SYNE1: variants seen among roughly 807,000 people sequenced by gnomAD.
SYNE1 encodes nesprin-1.
In SYNE1, 616 loss-of-function variants were observed where a neutral mutation model predicts 1,111.0. The ratio of observed to expected loss-of-function variants is 0.55; its 90% CI spans 0.52 to 0.59. The LOEUF is 0.59. Among genes scored for constraint, SYNE1 ranks in the 20% least tolerant of loss-of-function variants. The pLI, the probability that SYNE1 is intolerant of heterozygous loss-of-function variation, is 0.00. For missense variants in SYNE1, 10,006 were observed against 10,417.0 expected (o/e 0.96, Z 1.72); for synonymous variants, 3,855 against 3,825.8 (o/e 1.01, Z -0.28).
At chr6:152,484,343 A>G (rs2154296048) in intron 13 of SYNE1, among the ~76,000 whole-genome samples, 1 of 152,338 alleles carries the variant, frequency 6.6e-6, no homozygotes, top group Non-Finnish European at 1.5e-5. Flanking sequence ...AAAGATACTG[A>G]GCAATTTTCC....
chr6:152,429,092 A>G (rs2098403338), intron 36 of SYNE1, among the ~76,000 whole-genome samples: 2 of 142,064 alleles, frequency 1.4e-5, no homozygotes, highest in Admixed American at 1.4e-4. Context: ...AATAGTAATA[A>G]TAATAATAAT....
Position 152,149,636 on chromosome 6 carries a change from A to G in SYNE1, c.24483T>C (p.Asn8161=), listed in dbSNP as rs372254290. The part of the protein sequence containing the change: ...AFQQEISLNH[N]KIEQIIAQGE... Reference sequence around the variant, plus strand: ...CTTGGGCAATTATCTGCTCAATCTTATTGTGGTTCAGTGAAATTTCCTGCT... The same window carrying G: ...CTTGGGCAATTATCTGCTCAATCTTGTTGTGGTTCAGTGAAATTTCCTGCT... Residue 8161 remains asparagine, a synonymous_variant, in exon 136 of 146, where the codon AAT becomes AAC. Transcript: ENST00000367255. 3.1e-6 allele frequency: 5 copies of G among 1,613,970 alleles called. No individual in the cohort carries two copies. Among genetic ancestry groups the G allele is most frequent in the Non-Finnish European group, 8.5e-7 (1 of 1,179,996 alleles).
At chr6:152,423,040 G>A (rs1211835579) in intron 39 of SYNE1, among the ~76,000 whole-genome samples, 1 of 152,298 alleles carries the variant, frequency 6.6e-6, no homozygotes, top group East Asian at 1.9e-4. Context: ...AGCTAGCCCT[G>A]CCTTTGTCCA....
intron 3 of SYNE1, among the ~76,000 whole-genome samples, chr6:152,599,029 G>A (rs1343198140): frequency 2.0e-5 from 3 of 152,126 alleles, no homozygotes; most frequent in African/African-American, 4.8e-5. Context: ...CAAACATCTG[G>A]ATTTAATTTT....
intron 55 of SYNE1, among the ~76,000 whole-genome samples, chr6:152,384,438 A>G (rs771134696): frequency 6.6e-6 from 1 of 152,260 alleles, no homozygotes; most frequent in Non-Finnish European, 1.5e-5. Flanking sequence ...AAATCAGAAT[A>G]TTACGAAGAA....
At chr6:152,440,254 T>A (rs1278949279) in intron 32 of SYNE1, among the ~76,000 whole-genome samples, 1 of 152,164 alleles carries the variant, frequency 6.6e-6, no homozygotes, top group Non-Finnish European at 1.5e-5. Context: ...TTTCAGTCAC[T>A]TTTCTACACC....
intron 130 of SYNE1, among the ~76,000 whole-genome samples, chr6:152,166,661 C>T (rs553842734): frequency 6.6e-6 from 1 of 152,278 alleles, no homozygotes; most frequent in South Asian, 2.1e-4. Context: ...AATGTGTGTT[C>T]ATATAGTCCA....
chr6:152,281,993 G>A lies in SYNE1; in HGVS notation c.18208-13C>T. On this transcript the variant is annotated splice_polypyrimidine_tract_variant and intron_variant, in intron 96 of 145. Transcript: ENST00000367255. ...CATTCAACTTCTCCTGTTGAATTCAGTAGAAGGTAATATAGATCACGCTAA... is the reference window on the plus strand; with the variant it reads ...CATTCAACTTCTCCTGTTGAATTCAATAGAAGGTAATATAGATCACGCTAA... The A allele has an allele frequency of 6.2e-7, 1 of 1,612,972 alleles. No homozygotes were observed. The highest frequency in any genetic ancestry group is 8.5e-7 in the Non-Finnish European group (1 of 1,179,830).
At chr6:152,329,596 G>A (rs1225321656) in intron 78 of SYNE1, 134 bp downstream of exon 78, 3 of 1,172,702 alleles carry the variant, frequency 2.6e-6, no homozygotes, top group African/African-American at 1.5e-5. Flanking sequence ...TTAAGTCACT[G>A]CTGAAGATGC....
chr6:152,230,824 T>A, intron 114 of SYNE1, 122 bp from the exon 115 acceptor site: 1 of 1,153,640 alleles, frequency 8.7e-7, no homozygotes, highest in Non-Finnish European at 1.2e-6. Flanking sequence ...CAGTTCATCG[T>A]ATATATGATT....
Position 152,148,113 on chromosome 6 carries a change from A to G in SYNE1, c.24908T>C (p.Leu8303Pro). ...RDLESAMSRA[L>P]PSEDEEGQDD... ...CTGACCTTCTTCATCCTCAGAGGGC[A>G]GAGCTCTGGACATTGCAGACTCCAG... The change falls in exon 137 of 146, where the codon CTG becomes CCG. Residue 8303 changes from leucine to proline, a missense_variant. Around this residue, in one of 7 missense-constraint regions of SYNE1, gnomAD observed 761 missense variants for 795.5 expected, o/e 0.96. Coordinates refer to ENST00000367255, the MANE Select transcript of SYNE1 (RefSeq NM_182961.4). This position sits in a 1 kb window ranked among gnomAD's most constrained non-coding sequence, Gnocchi z 4.1. 1 of 1,614,174 alleles carries G rather than the reference A, an allele frequency of 6.2e-7. No individual in the cohort carries two copies. The highest frequency in any genetic ancestry group is 1.3e-5 in the African/African-American group (1 of 75,058).
rs780179197 is a variant in SYNE1 at position 152,453,687 on chromosome 6, T to C, written c.2926A>G (p.Asn976Asp). Reference sequence around the variant, plus strand: ...TCATCACAAGCTTTCAGGAAAGCATTGAGCACCCTCTGATCCAGCTGACTG... The same window carrying C: ...TCATCACAAGCTTTCAGGAAAGCATCGAGCACCCTCTGATCCAGCTGACTG... ...FFSQLDQRVL[N>D]AFLKACDELT... The change falls in exon 25 of 146, where the codon AAT (asparagine) becomes GAT (aspartate). Residue 976 changes from asparagine to aspartate, a missense_variant. Asn to Asp is a conservative substitution (Grantham distance 23). Coordinates refer to ENST00000367255, the MANE Select transcript of SYNE1 (RefSeq NM_182961.4). The C allele has an allele frequency of 6.2e-7, 1 of 1,614,170 alleles. No individual in the cohort carries two copies. Among genetic ancestry groups the C allele is most frequent in the Non-Finnish European group, 8.5e-7 (1 of 1,180,026 alleles).
intron 70 of SYNE1, 29 bp downstream of exon 70, chr6:152,351,998 A>G (rs112652320): frequency 6.2e-7 from 1 of 1,607,834 alleles, no homozygotes; most frequent in Non-Finnish European, 8.5e-7. Context: ...TGACCTCTGC[A>G]TGCATCTGTC....
chr6:152,461,311 T>C (rs189280274), intron 21 of SYNE1, among the ~76,000 whole-genome samples: 2 of 152,192 alleles, frequency 1.3e-5, no homozygotes, highest in African/African-American at 4.8e-5. Context: ...TTTATCTCTC[T>C]TTCCCTCTCT....
At position 152,427,796 on chromosome 6, in the gene SYNE1, G is replaced by A. The variant is rs2098383301; in HGVS notation, c.4997C>T (p.Ser1666Phe). The change falls in exon 38 of 146, where the codon TCC becomes TTC. Residue 1666 changes from serine to phenylalanine, a missense_variant. Physicochemically the swap from Ser to Phe is radical, Grantham distance 155. Coordinates refer to ENST00000367255, the MANE Select transcript of SYNE1 (RefSeq NM_182961.4). ...ACCCCGCTCTAACCAGGTCAAAAAG[G>A]ATGATAGTTCTTTCTCTAGCCTAAA... ...HWQRLEKELS[S>F]FLTWLERGEA... 1 of 1,614,058 alleles carries A rather than the reference G, an allele frequency of 6.2e-7. No individual in the cohort carries two copies. The highest frequency in any genetic ancestry group is 8.5e-7 in the Non-Finnish European group (1 of 1,180,028).
intron 3 of SYNE1, chr6:152,546,728 G>C (rs1304269672): frequency 6.6e-6 from 1 of 152,160 alleles, no homozygotes; most frequent in Non-Finnish European, 1.5e-5. Flanking sequence ...AAAGAGTTAA[G>C]CTGTAACATA....
intron 70 of SYNE1, among the ~76,000 whole-genome samples, chr6:152,351,729 C>G (rs147902571): frequency 1.3e-5 from 2 of 152,238 alleles, no homozygotes; most frequent in Admixed American, 1.3e-4. Context: ...CCTGGAGGAT[C>G]CAAATACCTG....
intron 3 of SYNE1, chr6:152,546,300 C>T (rs577607120): frequency 6.6e-6 from 1 of 152,252 alleles, no homozygotes; most frequent in South Asian, 2.1e-4. Context: ...CAGGACCAGG[C>T]TGTGGCAGAT....
chr6:152,458,655 A>T, intron 22 of SYNE1, 102 bp downstream of exon 22: 1 of 1,291,852 alleles, frequency 7.7e-7, no homozygotes, highest in South Asian at 1.2e-5. Flanking sequence ...TATTCTAGAA[A>T]AATGTTTCTT....
Sources: allele counts gnomAD v4.1 joint callset (sites outside exome capture counted in the v4.1 genomes callset), GRCh38; gene constraint gnomAD v4.1.1; regional missense constraint gnomAD v4.1.1; non-coding constraint Gnocchi (gnomAD v3.1); transcripts MANE v1.5; gene names NCBI Gene and HGNC (gene_info 2026-07-23, HGNC 2026-07-21).